The following CTSS variants were observed in gnomAD, a reference collection of about 807,000 sequenced individuals.
CTSS encodes the protein cathepsin S.
A neutral mutation model predicts 39.9 loss-of-function variants in CTSS; 15 were observed. The ratio of observed to expected loss-of-function variants is 0.38; its 90% CI spans 0.25 to 0.58. CTSS has a LOEUF of 0.58. CTSS is among the 20% of genes least tolerant of loss of function. The probability of loss-of-function intolerance (pLI) is 0.70; values close to 1 mark genes in which losing one functional copy is unlikely to be tolerated. For synonymous variants in CTSS, 126 were observed against 138.2 expected, an observed-to-expected ratio of 0.91 and a Z score of 0.62; for missense variants, 250 against 398.2, an observed-to-expected ratio of 0.63 and a Z score of 3.17.
intron 7 of CTSS, among the ~76,000 whole-genome samples, chr1:150,734,948 G>A (rs1366384023): frequency 6.6e-6 from 1 of 152,136 alleles, no homozygotes; most frequent in African/African-American, 2.4e-5. Flanking sequence ...AATTCATTAA[G>A]TGCTCTAGGA....
intron 2 of CTSS, among the ~76,000 whole-genome samples, chr1:150,759,034 TA>T (rs1412200054): frequency 3.0e-4 from 37 of 122,544 alleles, no homozygotes; most frequent in African/African-American, 7.1e-4. Flanking sequence ...TTTATTTTAT[TA>T]TTATTTTTTT....
At chr1:150,764,272 C>G (rs1189032131) in intron 2 of CTSS, among the ~76,000 whole-genome samples, 1 of 152,148 alleles carries the variant, frequency 6.6e-6, no homozygotes, top group African/African-American at 2.4e-5. Flanking sequence ...GAGTCTCACT[C>G]TGTCACCCAG....
At chr1:150,741,952 G>T (rs1417383072) in intron 7 of CTSS, among the ~76,000 whole-genome samples, 1 of 151,812 alleles carries the variant, frequency 6.6e-6, no homozygotes, top group Admixed American at 6.6e-5. Context: ...CCAAGAAAGA[G>T]AATAGGCAGG....
At chr1:150,762,651 G>A (rs1557815451) in intron 2 of CTSS, among the ~76,000 whole-genome samples, 1 of 152,168 alleles carries the variant, frequency 6.6e-6, no homozygotes, top group East Asian at 1.9e-4. Flanking sequence ...ACATACAAAT[G>A]GCCAACAGAT....
chr1:150,751,768 G>A lies in CTSS; in HGVS notation c.627+13C>T, dbSNP rs927842573. ...GATCATGGGGCAGCACAAAAAGTTT[G>A]CTTAAGACGCACCATGGCTTTGTAG... On this transcript the variant is annotated intron_variant, in intron 5 of 7. Transcript: ENST00000368985. 1.9e-6 allele frequency: 3 copies of A among 1,612,670 alleles called. No individual in the cohort carries two copies.
intron 7 of CTSS, among the ~76,000 whole-genome samples, chr1:150,742,484 T>C (rs1652789005): frequency 2.0e-5 from 3 of 152,080 alleles, no homozygotes; most frequent in Admixed American, 2.0e-4. Context: ...GAAAATATAG[T>C]GGAAGAAATG....
intron 7 of CTSS, among the ~76,000 whole-genome samples, chr1:150,738,076 A>G (rs1243223678): frequency 6.6e-6 from 1 of 152,178 alleles, no homozygotes; most frequent in Non-Finnish European, 1.5e-5. Flanking sequence ...GAAAGCCATT[A>G]GAGGGTTTGG....
rs1652531047 is a variant in CTSS at position 150,731,890 on chromosome 1, A to G, written c.*1156T>C. 1 of 152,200 alleles carries G rather than the reference A, an allele frequency of 6.6e-6. No homozygotes were observed. The highest frequency in any genetic ancestry group is 2.4e-5 in the African/African-American group (1 of 41,450). 9.4% of individuals were successfully genotyped at this position (152,200 alleles called of 1,614,324 possible). A position where few individuals can be genotyped will look rare whatever the true frequency, so the allele number is the denominator to read the frequency against. On this transcript the variant is annotated 3_prime_UTR_variant, in exon 8 of 8. Transcript: ENST00000368985. ...CTTTTATGCATTTCTTTACTTTAAC[A>G]TAATATAAAAATATGTGTTGAATCC...
At chr1:150,741,888 G>GA (rs997946807) in intron 7 of CTSS, among the ~76,000 whole-genome samples, 15 of 151,816 alleles carry the variant, frequency 9.9e-5, no homozygotes, top group African/African-American at 3.6e-4. Context: ...AAAAAAAGGG[G>GA]GGGGGAAGAA....
At chr1:150,734,516 C>T (rs1652593057) in intron 7 of CTSS, among the ~76,000 whole-genome samples, 2 of 152,124 alleles carry the variant, frequency 1.3e-5, no homozygotes, top group South Asian at 2.1e-4. Context: ...TAGCATGAGC[C>T]TGTAGTCCCA....
chr1:150,757,742 C>G (rs1439969747), intron 3 of CTSS, 116 bp downstream of exon 3: 1 of 1,027,948 alleles, frequency 9.7e-7, no homozygotes, highest in Non-Finnish European at 1.4e-6. Context: ...TGTTTTCCAA[C>G]TTTGTACTAT....
intron 1 of CTSS, among the ~76,000 whole-genome samples, chr1:150,765,374 G>C (rs948596975): frequency 7.9e-5 from 12 of 151,284 alleles, no homozygotes; most frequent in Admixed American, 6.6e-4. Context: ...TAATTCAAGA[G>C]ACATCAACAG....
At chr1:150,734,872 A>G (rs1652602216) in intron 7 of CTSS, among the ~76,000 whole-genome samples, 1 of 152,180 alleles carries the variant, frequency 6.6e-6, no homozygotes, top group African/African-American at 2.4e-5. Flanking sequence ...AAGAGGAATG[A>G]TTTCTGAAGC....
intron 2 of CTSS, among the ~76,000 whole-genome samples, chr1:150,758,473 T>A (rs1248063173): frequency 6.6e-6 from 1 of 150,456 alleles, no homozygotes; most frequent in Non-Finnish European, 1.5e-5. Flanking sequence ...CTTAACTGCT[T>A]TGATGGTTTA....
chr1:150,741,014 T>G (rs1327207236), intron 7 of CTSS, among the ~76,000 whole-genome samples: 1 of 152,008 alleles, frequency 6.6e-6, no homozygotes, highest in Admixed American at 6.6e-5. Flanking sequence ...ACTTAAATTT[T>G]TTTTTGACAT....
At chr1:150,751,733 G>A (rs1242858047) in intron 5 of CTSS, 48 bp downstream of exon 5, 4 of 1,546,104 alleles carry the variant, frequency 2.6e-6, no homozygotes, top group Non-Finnish European at 3.6e-6. Context: ...TCAGTCAGTG[G>A]ATAACATGAG....
intron 7 of CTSS, among the ~76,000 whole-genome samples, chr1:150,736,573 T>C (rs1652640080): frequency 6.6e-6 from 1 of 152,198 alleles, no homozygotes; most frequent in South Asian, 2.1e-4. Context: ...AGTTCTAGTA[T>C]GAAAATTGAA....
intron 7 of CTSS, among the ~76,000 whole-genome samples, chr1:150,742,228 G>C (rs1311140544): frequency 6.6e-6 from 1 of 151,794 alleles, no homozygotes; most frequent in Non-Finnish European, 1.5e-5. Flanking sequence ...CTGCACTCTA[G>C]CCTGGTGACA....
chr1:150,734,283 T>TC (rs1346853855), intron 7 of CTSS, among the ~76,000 whole-genome samples: 1 of 151,750 alleles, frequency 6.6e-6, no homozygotes, highest in Non-Finnish European at 1.5e-5. Context: ...CGCCTCAGGC[T>TC]CCCAAAGAGT....
Sources: gnomAD v4.1 joint callset for allele counts (sites outside exome capture counted in the v4.1 genomes callset) on GRCh38, gnomAD v4.1.1 for gene constraint, MANE v1.5 for transcripts, NCBI Gene and HGNC (gene_info 2026-07-23, HGNC 2026-07-21) for gene names.